The following DENND1A variants were observed in gnomAD, a reference collection of about 807,000 sequenced individuals.
DENND1A encodes DENN domain-containing protein 1A.
A neutral mutation model predicts 113.7 loss-of-function variants in DENND1A; 51 were observed. The ratio of observed to expected loss-of-function variants is 0.45; its 90% CI spans 0.36 to 0.57. The LOEUF is 0.57. Among genes scored for constraint, DENND1A ranks in the 20% least tolerant of loss-of-function variants. DENND1A has a pLI of 0.00. For missense variants in DENND1A, 1,258 were observed against 1,395.9 expected (o/e 0.90, Z 1.57); for synonymous variants, 565 against 570.8 (o/e 0.99, Z 0.14).
At chr9:123,849,458 T>G (rs147322835) in intron 2 of DENND1A, among the ~76,000 whole-genome samples, 1 of 152,312 alleles carries the variant, frequency 6.6e-6, no homozygotes, top group Non-Finnish European at 1.5e-5. Context: ...AAACCACAAT[T>G]ACTTTTGCAC....
chr9:123,489,354 T>A (rs1452456857), intron 13 of DENND1A, among the ~76,000 whole-genome samples: 1 of 152,180 alleles, frequency 6.6e-6, no homozygotes, highest in African/African-American at 2.4e-5. Context: ...CATCCATGAA[T>A]CCTGGCACTG....
At position 123,422,879 on chromosome 9, in the gene DENND1A, C is replaced by T. The variant is rs930167714; in HGVS notation, c.1489-11050G>A. 2.6e-5 allele frequency among the ~76,000 whole-genome samples: 4 copies of T among 152,136 alleles called. No homozygotes were observed. Among genetic ancestry groups the T allele is most frequent in the Non-Finnish European group, 5.9e-5 (4 of 68,042 alleles). On this transcript the variant is annotated intron_variant, in intron 19 of 23. Transcript: ENST00000394215. This position sits in a 1 kb window ranked among gnomAD's most constrained non-coding sequence, Gnocchi z 4.8. ...GTGCTTACCGCAGCAGCCCCTGAGCCCTCGGAGAACAAACAGGAACCCAAG... is the reference window on the plus strand; with the variant it reads ...GTGCTTACCGCAGCAGCCCCTGAGCTCTCGGAGAACAAACAGGAACCCAAG...
intron 3 of DENND1A, among the ~76,000 whole-genome samples, chr9:123,787,190 ATT>A (rs906269923): frequency 4.6e-5 from 7 of 152,078 alleles, no homozygotes; most frequent in Non-Finnish European, 8.8e-5. Flanking sequence ...AAAATTTATC[ATT>A]TGTTTTATAC....
intron 13 of DENND1A, among the ~76,000 whole-genome samples, chr9:123,474,247 G>A (rs1451168468): frequency 3.3e-5 from 5 of 151,918 alleles, no homozygotes; most frequent in Admixed American, 1.3e-4. Context: ...CACCCGCCTC[G>A]GCCTCCCAAA....
chr9:123,450,696 T>C lies in DENND1A; in HGVS notation c.1353A>G (p.Gln451=). ...GIKEVKNRLK[Q]KDIAENGCAP... is the part of the protein sequence containing the mutation. ...TTTGAATAAGAACTTCAAGTACCTT[T>C]TGCTTCAAGCGGTTTTTCACCTCTT... Residue 451 remains glutamine (Q), a synonymous_variant, in exon 18 of 24, where the codon CAA becomes CAG. Coordinates refer to ENST00000394215, the MANE Select transcript of DENND1A (RefSeq NM_001352964.2). 6.8e-6 allele frequency: 11 copies of C among 1,610,368 alleles called. No individual in the cohort carries two copies. The highest frequency in any genetic ancestry group is 9.3e-6 in the Non-Finnish European group (11 of 1,179,108).
At chr9:123,465,599 A>G (rs1382334371) in intron 13 of DENND1A, among the ~76,000 whole-genome samples, 1 of 152,204 alleles carries the variant, frequency 6.6e-6, no homozygotes, top group Non-Finnish European at 1.5e-5. Context: ...CTTTCAACAA[A>G]TAACTGTTTC....
chr9:123,717,599 C>G (rs1049604256), intron 5 of DENND1A, among the ~76,000 whole-genome samples: 1 of 152,168 alleles, frequency 6.6e-6, no homozygotes, highest in Non-Finnish European at 1.5e-5. Flanking sequence ...ACACAAGTCT[C>G]AAATCATTTT....
At chr9:123,486,581 G>A (rs1588782085) in intron 13 of DENND1A, among the ~76,000 whole-genome samples, 1 of 152,248 alleles carries the variant, frequency 6.6e-6, no homozygotes, top group East Asian at 1.9e-4. Context: ...GCCAACAGGA[G>A]CCTCTTGGAA....
At chr9:123,482,151 G>A (rs551205027) in intron 13 of DENND1A, among the ~76,000 whole-genome samples, 10 of 152,296 alleles carry the variant, frequency 6.6e-5, no homozygotes, top group South Asian at 2.1e-4. Context: ...AGGCTGGAGC[G>A]CAGTGGCGCG....
chr9:123,902,204 CACAT>C (rs1249231969), intron 1 of DENND1A, among the ~76,000 whole-genome samples: 18 of 150,218 alleles, frequency 1.2e-4, no homozygotes, highest in African/African-American at 3.2e-4. Flanking sequence ...CACACACACA[CACAT>C]ACACACACAC....
At chr9:123,431,695 C>T (rs1291695429) in intron 19 of DENND1A, among the ~76,000 whole-genome samples, 1 of 152,224 alleles carries the variant, frequency 6.6e-6, no homozygotes, top group Non-Finnish European at 1.5e-5. Context: ...GGCTAACCTA[C>T]TGGAATGGCC....
intron 13 of DENND1A, among the ~76,000 whole-genome samples, chr9:123,482,899 C>T (rs2050466124): frequency 6.6e-6 from 1 of 152,128 alleles, no homozygotes; most frequent in Non-Finnish European, 1.5e-5. Context: ...TCCAACCAAG[C>T]CTGGGCATGG....
rs567293560 is a variant in DENND1A, at chr9:123,538,622, G to C, written c.993+18948C>G. ...TATTTCTCACTGACCAAAGATGGGA[G>C]GGTTTGAGTTTAATAAAATAATTAT... On this transcript the variant is annotated intron_variant, in intron 13 of 23. Coordinates refer to ENST00000394215, the MANE Select transcript of DENND1A (RefSeq NM_001352964.2). Among the ~76,000 whole-genome samples, 190 of 151,556 alleles carry C rather than the reference G, an allele frequency of 1.3e-3. 3 individuals are homozygous for C. The highest frequency in any genetic ancestry group is 0.01 in the Middle Eastern group (3 of 294).
chr9:123,547,641 T>C (rs2056789104), intron 13 of DENND1A, among the ~76,000 whole-genome samples: 1 of 152,184 alleles, frequency 6.6e-6, no homozygotes, highest in South Asian at 2.1e-4. Flanking sequence ...AATGAATAAA[T>C]AAATAAATAA....
chr9:123,516,268 C>T (rs527585528), intron 13 of DENND1A, among the ~76,000 whole-genome samples: 5 of 151,738 alleles, frequency 3.3e-5, no homozygotes, highest in Middle Eastern at 3.4e-3. Flanking sequence ...TGTACTTTTG[C>T]GTGTATTTGG....
chr9:123,705,128 A>G (rs1211108723), intron 5 of DENND1A, among the ~76,000 whole-genome samples: 5 of 152,194 alleles, frequency 3.3e-5, no homozygotes, highest in African/African-American at 9.6e-5. Context: ...GCAAGAACAA[A>G]TAAGTGAATT....
intron 2 of DENND1A, among the ~76,000 whole-genome samples, chr9:123,830,102 A>G (rs1276079601): frequency 6.6e-6 from 1 of 152,202 alleles, no homozygotes; most frequent in Non-Finnish European, 1.5e-5. Context: ...GTTCATCCAA[A>G]TGGATAAGCA....
chr9:123,789,636 C>T (rs754000248), intron 3 of DENND1A, among the ~76,000 whole-genome samples: 40 of 152,086 alleles, frequency 2.6e-4, no homozygotes, highest in Non-Finnish European at 4.0e-4. Flanking sequence ...AATACATCTC[C>T]GGGACCACAG....
intron 5 of DENND1A, among the ~76,000 whole-genome samples, chr9:123,690,697 A>T (rs1807305599): frequency 6.6e-6 from 1 of 152,222 alleles, no homozygotes; most frequent in Non-Finnish European, 1.5e-5. Context: ...AAAAACAAAC[A>T]AACAGCCACA....
Sources: gnomAD v4.1 joint callset for allele counts (sites outside exome capture counted in the v4.1 genomes callset) on GRCh38, gnomAD v4.1.1 for gene constraint, Gnocchi (gnomAD v3.1) non-coding constraint, MANE v1.5 for transcripts, NCBI Gene and HGNC (gene_info 2026-07-23, HGNC 2026-07-21) for gene names.